The following CILK1 variants were observed in gnomAD, a reference collection of about 807,000 sequenced individuals.
CILK1 encodes the protein serine/threonine-protein kinase ICK.
Under a neutral mutation model 79.2 loss-of-function variants are expected in CILK1, and 47 were observed. That is an observed-to-expected ratio of 0.59 (90% CI 0.47 to 0.76). The LOEUF (loss-of-function observed/expected upper bound fraction) is 0.76, where lower values mean the gene tolerates loss of function less well. Ranked by LOEUF, CILK1 falls within the 30% of genes least tolerant of loss-of-function variation. The pLI is 0.00. For missense variants in CILK1, 660 were observed against 769.5 expected (o/e 0.86, Z 1.68); for synonymous variants, 266 against 275.9 (o/e 0.96, Z 0.36).
rs775861168 is a variant in CILK1 at position 53,038,009 on chromosome 6, G to GAAAC, written c.102-20_102-17dup. ...TCTTTTCATTCTAGAAGAGAAGAAA[G>GAAAC]AAACAAACAGCACACTTATTCTCAG... is the stretch of plus-strand genomic sequence containing the variant. On this transcript the variant is annotated splice_polypyrimidine_tract_variant and intron_variant, in intron 2 of 13. Coordinates refer to ENST00000676107, the MANE Select transcript of CILK1 (RefSeq NM_014920.5). The GAAAC allele has an allele frequency of 1.9e-6, 3 of 1,556,996 alleles. No homozygotes were observed. The highest frequency in any genetic ancestry group is 1.7e-5 in the Admixed American group (1 of 59,846).
Position 53,022,753 on chromosome 6 carries a change from C to CTTCA in CILK1, c.359-3398_359-3395dup, listed in dbSNP as rs1400987264. Among the ~76,000 whole-genome samples, 42 of 152,202 alleles carry CTTCA rather than the reference C, an allele frequency of 2.8e-4. 1 individual carries two copies. Among genetic ancestry groups the CTTCA allele is most frequent in the Middle Eastern group, 3.4e-3 (1 of 294 alleles). On this transcript the variant is annotated intron_variant, in intron 5 of 13. Coordinates refer to ENST00000676107, the MANE Select transcript of CILK1 (RefSeq NM_014920.5). ...CATTATGCCATTCTAACATGGTAGC[C>CTTCA]TTCATTCATTCATTCATTCATTCTA...
At chr6:53,005,509 C>CT (rs933650006) in intron 13 of CILK1, among the ~76,000 whole-genome samples, 10 of 152,176 alleles carry the variant, frequency 6.6e-5, no homozygotes, top group Non-Finnish European at 1.0e-4. Flanking sequence ...CTTGACCCCT[C>CT]TTTTTTTCAT....
At chr6:53,030,635 T>C (rs751959780) in intron 5 of CILK1, among the ~76,000 whole-genome samples, 1 of 152,230 alleles carries the variant, frequency 6.6e-6, no homozygotes, top group Non-Finnish European at 1.5e-5. Context: ...TTTTCCTGTG[T>C]CGCATACATT....
At chr6:53,015,974 TCTGTA>T in intron 8 of CILK1, 104 bp downstream of exon 8, 1 of 1,089,996 alleles carries the variant, frequency 9.2e-7, no homozygotes, top group East Asian at 2.4e-5. Context: ...TTAGTGGTAT[TCTGTA>T]CTATTTCTCA....
In CILK1 at chr6:53,012,146, T is replaced by C. The variant is rs1227385223; in HGVS notation, c.1234A>G (p.Thr412Ala). The C allele has an allele frequency of 3.7e-6, 6 of 1,614,088 alleles. No homozygotes were observed. The African/African-American group carries it at 4.0e-5, about 11-fold the overall frequency. The change falls in exon 10 of 14, where the codon ACA becomes GCA. Residue 412 changes from threonine (T) to alanine (A), a missense_variant. Transcript: ENST00000676107. Reference protein sequence around the residue: ...RRRWGLISRSTKDSDDWADLD... With the variant: ...RRRWGLISRSAKDSDDWADLD... ...TCAGCCCAATCATCTGAATCCTTTG[T>C]TGACCTGGAAATAAGACCCCACCTT... is the stretch of plus-strand genomic sequence containing the variant.
At chr6:53,046,469 G>C (rs1007048560) in intron 1 of CILK1, among the ~76,000 whole-genome samples, 1 of 152,156 alleles carries the variant, frequency 6.6e-6, no homozygotes, top group Admixed American at 6.5e-5. Flanking sequence ...TTGAAATCCA[G>C]ATAGAGTGGG....
At chr6:53,056,746 A>G (rs1303219333) in intron 1 of CILK1, among the ~76,000 whole-genome samples, 1 of 152,236 alleles carries the variant, frequency 6.6e-6, no homozygotes, top group Non-Finnish European at 1.5e-5. Context: ...CTCACAATAA[A>G]GACATGTTCA....
chr6:53,010,742 T>C (rs1764524743), intron 11 of CILK1, among the ~76,000 whole-genome samples: 1 of 152,210 alleles, frequency 6.6e-6, no homozygotes, highest in Non-Finnish European at 1.5e-5. Flanking sequence ...TCAAGTTGCT[T>C]ATTCAGAGAG....
At position 53,018,392 on chromosome 6, in the gene CILK1, G is replaced by C. The variant is rs757979417; in HGVS notation, c.601C>G (p.Pro201Ala). The change falls in exon 7 of 14, where the codon CCT (proline) becomes GCT (alanine). Residue 201 changes from proline to alanine, a missense_variant. Coordinates refer to ENST00000676107, the MANE Select transcript of CILK1 (RefSeq NM_014920.5). Reference protein sequence around the residue: ...AEVYTLRPLFPGASEIDTIFK... With the variant: ...AEVYTLRPLFAGASEIDTIFK... The stretch of plus-strand genomic sequence containing the variant: ...ATTGTGTCAATTTCACTGGCTCCAG[G>C]GAAGAGTGGCCTGAGGGTGTAAACT... 1.2e-6 allele frequency: 2 copies of C among 1,614,176 alleles called. No homozygotes were observed. The highest frequency in any genetic ancestry group is 2.2e-5 in the East Asian group (1 of 44,888).
At chr6:53,041,554 T>G (rs1371942285) in intron 1 of CILK1, 146 bp from the exon 2 acceptor site, 1 of 372,240 alleles carries the variant, frequency 2.7e-6, no homozygotes, top group Non-Finnish European at 5.2e-6. Context: ...CAGAGCTGAA[T>G]AGTTGTGTGA....
chr6:53,018,169 C>T (rs1027954159), intron 7 of CILK1, among the ~76,000 whole-genome samples, 161 bp downstream of exon 7: 6 of 152,086 alleles, frequency 3.9e-5, no homozygotes, highest in East Asian at 1.9e-4. Flanking sequence ...GAAGAGAAGC[C>T]GACCGTATCT....
At position 53,009,429 on chromosome 6, in the gene CILK1, C is replaced by A. The variant is rs760641872; in HGVS notation, c.1621+10G>T. The A allele has an allele frequency of 1.9e-6, 3 of 1,613,946 alleles. No individual in the cohort carries two copies. In the South Asian group the frequency reaches 3.3e-5, roughly 18 times the overall value. On this transcript the variant is annotated intron_variant, in intron 12 of 13. Transcript: ENST00000676107. ...TTTTTGCCATTTAGGGGTTAATGATCATTACTCACCTGAATTTACTTTGCT... is the reference window on the plus strand; with the variant it reads ...TTTTTGCCATTTAGGGGTTAATGATAATTACTCACCTGAATTTACTTTGCT...
chr6:53,045,608 T>C (rs762625332), intron 1 of CILK1, among the ~76,000 whole-genome samples: 1 of 152,170 alleles, frequency 6.6e-6, no homozygotes, highest in Non-Finnish European at 1.5e-5. Context: ...AGGCTTACAA[T>C]GATGCTCAGT....
chr6:53,015,136 T>C (rs978345047), intron 8 of CILK1, among the ~76,000 whole-genome samples: 42 of 152,216 alleles, frequency 2.8e-4, no homozygotes, highest in East Asian at 1.9e-4. Flanking sequence ...TACCACCACA[T>C]TGGCACTTTT....
chr6:53,028,949 T>C (rs1562023163), intron 5 of CILK1, among the ~76,000 whole-genome samples: 1 of 151,228 alleles, frequency 6.6e-6, no homozygotes, highest in African/African-American at 2.4e-5. Context: ...GTCTATGTGT[T>C]TGTGTGTGTG....
rs186340179 is a variant in CILK1 at position 53,026,253 on chromosome 6, C to T, written c.358+4812G>A. 2.3e-3 allele frequency among the ~76,000 whole-genome samples: 343 copies of T among 152,266 alleles called. 2 individuals are homozygous for T. Among genetic ancestry groups the T allele is most frequent in the Middle Eastern group, 0.02 (6 of 294 alleles). The stretch of plus-strand genomic sequence containing the variant: ...CATCTCGGCTCACTGCAACCTTTGC[C>T]TCCTGGGTTCAAGCTATTCTCCTGC... On this transcript the variant is annotated intron_variant, in intron 5 of 13. Coordinates refer to ENST00000676107, the MANE Select transcript of CILK1 (RefSeq NM_014920.5).
At chr6:53,038,017 C>CT in intron 2 of CILK1, 24 bp from the exon 3 acceptor site, 1 of 1,515,256 alleles carries the variant, frequency 6.6e-7, no homozygotes, top group Non-Finnish European at 9.2e-7. Context: ...AAGAAACAAA[C>CT]AGCACACTTA....
intron 1 of CILK1, among the ~76,000 whole-genome samples, chr6:53,044,966 C>T (rs193089625): frequency 6.6e-6 from 1 of 152,080 alleles, no homozygotes; most frequent in Admixed American, 6.5e-5. Context: ...GTATGGTAGC[C>T]CAGGCAGACT....
intron 3 of CILK1, among the ~76,000 whole-genome samples, chr6:53,037,179 A>C (rs1165672279): frequency 1.3e-5 from 2 of 152,204 alleles, no homozygotes; most frequent in Non-Finnish European, 2.9e-5. Flanking sequence ...CCACTGCACA[A>C]GGAAGAGAAT....
Sources: allele counts gnomAD v4.1 joint callset (sites outside exome capture counted in the v4.1 genomes callset), GRCh38; gene constraint gnomAD v4.1.1; transcripts MANE v1.5; gene names NCBI Gene and HGNC (gene_info 2026-07-23, HGNC 2026-07-21).